The following ARFGEF3 variants were observed in gnomAD, a reference collection of about 807,000 sequenced individuals.
ARFGEF3 encodes the protein ARFGEF family member 3.
Under a neutral mutation model 221.7 loss-of-function variants are expected in ARFGEF3, and 96 were observed. That is an observed-to-expected ratio of 0.43 (90% CI 0.37 to 0.51). The LOEUF is 0.51. ARFGEF3 is among the 20% of genes least tolerant of loss of function. The pLI, the probability that ARFGEF3 is intolerant of heterozygous loss-of-function variation, is 0.00. For missense variants in ARFGEF3, 2,410 were observed against 2,789.9 expected (o/e 0.86, Z 3.07); for synonymous variants, 1,145 against 1,126.8 (o/e 1.02, Z -0.32).
intron 12 of ARFGEF3, among the ~76,000 whole-genome samples, chr6:138,270,799 A>G (rs146409362): frequency 1.5e-3 from 236 of 152,324 alleles, no homozygotes; most frequent in African/African-American, 5.5e-3. Flanking sequence ...GTGTTACTGT[A>G]GGAGCCTATG....
intron 22 of ARFGEF3, among the ~76,000 whole-genome samples, chr6:138,305,199 A>G (rs948517571): frequency 3.3e-5 from 5 of 151,642 alleles, no homozygotes; most frequent in African/African-American, 1.2e-4. Flanking sequence ...AGGAAGGAAC[A>G]CCTCCAAACC....
At position 138,298,784 on chromosome 6, in the gene ARFGEF3, A is replaced by G. The variant is rs760380855; in HGVS notation, c.3827A>G (p.Gln1276Arg). Residue 1276 changes from glutamine (Q) to arginine (R), a missense_variant and splice_region_variant, in exon 22 of 34, where the codon CAG becomes CGG. Physicochemically the swap from Gln to Arg is conservative, Grantham distance 43. Coordinates refer to ENST00000251691, the MANE Select transcript of ARFGEF3 (RefSeq NM_020340.5). ...LELCDEDVQDQVVTSIGELVE... is the reference protein window; with the variant it reads ...LELCDEDVQDRVVTSIGELVE... ...TTGTGTGATGAGGACGTCCAAGACCAGGTCAGTGTGACATGGTCATCAGCG... is the reference window on the plus strand; with the variant it reads ...TTGTGTGATGAGGACGTCCAAGACCGGGTCAGTGTGACATGGTCATCAGCG... 1.4e-5 allele frequency: 22 copies of G among 1,610,528 alleles called. No individual in the cohort carries two copies. The highest frequency in any genetic ancestry group is 1.9e-5 in the Non-Finnish European group (22 of 1,178,504).
intron 14 of ARFGEF3, among the ~76,000 whole-genome samples, chr6:138,283,898 T>C (rs1000316409): frequency 9.9e-5 from 15 of 152,202 alleles, no homozygotes; most frequent in Admixed American, 8.5e-4. Flanking sequence ...GTTCTGATAG[T>C]TGCTGAGGAG....
chr6:138,235,719 A>C (rs1358964288), intron 5 of ARFGEF3, among the ~76,000 whole-genome samples: 2 of 152,238 alleles, frequency 1.3e-5, no homozygotes, highest in African/African-American at 4.8e-5. Flanking sequence ...GAAGTGTAAG[A>C]AACTTTCCTT....
At chr6:138,234,059 G>A (rs1251259570) in intron 5 of ARFGEF3, among the ~76,000 whole-genome samples, 2 of 152,146 alleles carry the variant, frequency 1.3e-5, no homozygotes, top group Admixed American at 6.5e-5. Flanking sequence ...CTGCTAGATG[G>A]GCTTTGAGCA....
intron 24 of ARFGEF3, among the ~76,000 whole-genome samples, chr6:138,310,887 C>G (rs1314597221): frequency 6.6e-6 from 1 of 152,304 alleles, no homozygotes; most frequent in South Asian, 2.1e-4. Context: ...TCCCAGAGAC[C>G]TCATTTATCA....
chr6:138,178,330 C>T (rs1776996616), intron 2 of ARFGEF3, among the ~76,000 whole-genome samples: 1 of 152,128 alleles, frequency 6.6e-6, no homozygotes, highest in African/African-American at 2.4e-5. Context: ...CCGATAGCTC[C>T]CCTGCATGTT....
At chr6:138,243,861 T>G (rs1778435947) in intron 7 of ARFGEF3, among the ~76,000 whole-genome samples, 1 of 152,148 alleles carries the variant, frequency 6.6e-6, no homozygotes, top group African/African-American at 2.4e-5. Context: ...ACTAGAGTAT[T>G]GTTTCAGTCC....
intron 13 of ARFGEF3, 121 bp from the exon 14 acceptor site, chr6:138,279,878 C>G (rs1311615041): frequency 1.1e-6 from 1 of 936,236 alleles, no homozygotes; most frequent in Non-Finnish European, 1.6e-6. Flanking sequence ...GCCCCCTTAC[C>G]CAATACACAA....
chr6:138,287,260 C>A, intron 17 of ARFGEF3, 76 bp downstream of exon 17: 1 of 1,076,322 alleles, frequency 9.3e-7, no homozygotes. Context: ...CTACACACGC[C>A]AGCCAACACT....
intron 12 of ARFGEF3, among the ~76,000 whole-genome samples, chr6:138,268,698 A>T (rs1258966367): frequency 1.3e-5 from 2 of 152,218 alleles, no homozygotes; most frequent in African/African-American, 4.8e-5. Context: ...TCAGCACTAA[A>T]GGAAGGTCCC....
chr6:138,207,182 A>C (rs1204144255), intron 3 of ARFGEF3, 59 bp downstream of exon 3: 2 of 1,318,828 alleles, frequency 1.5e-6, no homozygotes, highest in Non-Finnish European at 2.2e-6. Context: ...TTTGGCATTG[A>C]AAGGGCAAAT....
chr6:138,293,521 A>T (rs1779451372), intron 19 of ARFGEF3, among the ~76,000 whole-genome samples: 1 of 152,164 alleles, frequency 6.6e-6, no homozygotes. Context: ...CCCGCCCTGG[A>T]GGGGGGCTTA....
chr6:138,218,348 A>G, intron 4 of ARFGEF3: 1 of 1,552,596 alleles, frequency 6.4e-7, no homozygotes, highest in Non-Finnish European at 8.7e-7. Flanking sequence ...AAATGTGAAT[A>G]ATATTGTGCA....
chr6:138,193,045 TAAA>T (rs1777339570), intron 2 of ARFGEF3, among the ~76,000 whole-genome samples: 1 of 152,192 alleles, frequency 6.6e-6, no homozygotes, highest in Admixed American at 6.5e-5. Flanking sequence ...TTCAACTGGC[TAAA>T]GGTTAGTTTC....
At chr6:138,273,208 G>T (rs1223944241) in intron 12 of ARFGEF3, among the ~76,000 whole-genome samples, 1 of 152,080 alleles carries the variant, frequency 6.6e-6, no homozygotes, top group East Asian at 1.9e-4. Context: ...GAGAGAAGCG[G>T]GGACTACTGT....
chr6:138,251,381 T>G (rs1778579966), intron 8 of ARFGEF3, among the ~76,000 whole-genome samples: 1 of 152,204 alleles, frequency 6.6e-6, no homozygotes, highest in Non-Finnish European at 1.5e-5. Flanking sequence ...AAGTGATTGG[T>G]CAGAATGATT....
intron 16 of ARFGEF3, 33 bp downstream of exon 16, chr6:138,286,949 T>A (rs373413649): frequency 6.2e-7 from 1 of 1,607,686 alleles, no homozygotes; most frequent in African/African-American, 1.3e-5. Context: ...CTGGCCGTGG[T>A]CCTGCAGAAC....
chr6:138,269,048 C>T (rs563653148), intron 12 of ARFGEF3, among the ~76,000 whole-genome samples: 4 of 152,230 alleles, frequency 2.6e-5, no homozygotes, highest in African/African-American at 9.6e-5. Context: ...AGGGGAGGCC[C>T]CCTCACCTCT....
Sources: gnomAD v4.1 joint callset for allele counts (sites outside exome capture counted in the v4.1 genomes callset) on GRCh38, gnomAD v4.1.1 for gene constraint, MANE v1.5 for transcripts, NCBI Gene and HGNC (gene_info 2026-07-23, HGNC 2026-07-21) for gene names.